The following SPIDR variants were observed in gnomAD, a reference collection of about 807,000 sequenced individuals.
The protein encoded by SPIDR is scaffold protein involved in DNA repair.
SPIDR carries 93 observed loss-of-function variants against 104.6 expected under a neutral mutation model. The ratio of observed to expected loss-of-function variants is 0.89; its 90% CI spans 0.75 to 1.06. SPIDR has a LOEUF of 1.06. Among genes scored for constraint, SPIDR ranks in the 50% least tolerant of loss-of-function variants. The pLI is 0.00. For missense variants in SPIDR, 1,154 were observed against 1,111.2 expected, an observed-to-expected ratio of 1.04 and a Z score of -0.55; for synonymous variants, 431 against 416.9, an observed-to-expected ratio of 1.03 and a Z score of -0.41.
chr8:47,671,585 A>AAAATAAATTAAATAAAT (rs2075802429), intron 10 of SPIDR, among the ~76,000 whole-genome samples: 1 of 142,712 alleles, frequency 7.0e-6, no homozygotes, highest in South Asian at 2.2e-4. Context: ...ACTCCATCTC[A>AAAATAAATTAAATAAAT]AAATAAATAA....
intron 8 of SPIDR, chr8:47,511,320 T>C (rs1267842747): frequency 2.3e-6 from 3 of 1,283,884 alleles, no homozygotes; most frequent in East Asian, 4.6e-5. Flanking sequence ...TTTCTGCCAG[T>C]TGGACTGGAG....
chr8:47,704,217 C>T (rs763838715), intron 14 of SPIDR, among the ~76,000 whole-genome samples: 33 of 152,314 alleles, frequency 2.2e-4, no homozygotes, highest in East Asian at 1.3e-3. Flanking sequence ...TGAATATAAA[C>T]GAACCACATT....
At chr8:47,303,869 G>T (rs2042671848) in intron 5 of SPIDR, among the ~76,000 whole-genome samples, 1 of 152,054 alleles carries the variant, frequency 6.6e-6, no homozygotes. Flanking sequence ...TAGAGACAGG[G>T]TTTCACCGTA....
At chr8:47,337,379 C>A (rs1554610365) in intron 5 of SPIDR, among the ~76,000 whole-genome samples, 1 of 152,144 alleles carries the variant, frequency 6.6e-6, no homozygotes, top group Non-Finnish European at 1.5e-5. Flanking sequence ...GATCTTCCTG[C>A]CTCAGCCTCC....
intron 5 of SPIDR, among the ~76,000 whole-genome samples, chr8:47,370,479 C>T (rs570796279): frequency 3.8e-4 from 44 of 116,718 alleles, no homozygotes; most frequent in Non-Finnish European, 5.1e-4. Context: ...CGGAGTTTTG[C>T]GCTGTCGCCC....
chr8:47,562,026 T>C (rs961394246), intron 8 of SPIDR, among the ~76,000 whole-genome samples: 2 of 152,240 alleles, frequency 1.3e-5, no homozygotes, highest in East Asian at 3.8e-4. Context: ...TTTATAATGT[T>C]CACTTCTTTT....
At chr8:47,613,113 A>G (rs1166963706) in intron 10 of SPIDR, among the ~76,000 whole-genome samples, 1 of 152,186 alleles carries the variant, frequency 6.6e-6, no homozygotes, top group Admixed American at 6.5e-5. Flanking sequence ...GTTCAGTCAC[A>G]CCAAAGGAAA....
At chr8:47,415,599 G>A (rs77439798) in intron 7 of SPIDR, among the ~76,000 whole-genome samples, 2,490 of 152,216 alleles carry the variant, frequency 0.016, 71 homozygotes, top group African/African-American at 0.055. Context: ...AGAAGAGACC[G>A]TAGAGAGCTA....
At position 47,548,225 on chromosome 8, in the gene SPIDR, G is replaced by A. The variant is rs576618851; in HGVS notation, c.1098-47586G>A. ...CTCAATAATTTATATGATAAAGTAT[G>A]AATTCGTGGTACATGAATTATACAG... is the stretch of plus-strand genomic sequence containing the variant. On this transcript the variant is annotated intron_variant, in intron 8 of 19. Transcript: ENST00000297423. Among the ~76,000 whole-genome samples the A allele has an allele frequency of 1.4e-4, 22 of 152,240 alleles. No individual in the cohort carries two copies. In the East Asian group the frequency reaches 4.1e-3, roughly 28 times the overall value.
chr8:47,298,143 T>C (rs947134108), intron 5 of SPIDR, among the ~76,000 whole-genome samples: 2,792 of 152,282 alleles, frequency 0.018, 83 homozygotes, highest in African/African-American at 0.064. Flanking sequence ...TTTTAATGAT[T>C]GCCATTCTAA....
chr8:47,716,828 G>C (rs1405884594), intron 16 of SPIDR, among the ~76,000 whole-genome samples: 1 of 152,180 alleles, frequency 6.6e-6, no homozygotes, highest in African/African-American at 2.4e-5. Flanking sequence ...CCTCCCAAGT[G>C]ATGGGAGAGG....
At chr8:47,667,610 G>GA (rs1003698501) in intron 10 of SPIDR, among the ~76,000 whole-genome samples, 4 of 151,760 alleles carry the variant, frequency 2.6e-5, no homozygotes, top group Non-Finnish European at 4.4e-5. Flanking sequence ...AAAGAAAATG[G>GA]AAAAAAAGAT....
At chr8:47,366,867 G>A (rs182653932) in intron 5 of SPIDR, among the ~76,000 whole-genome samples, 52 of 152,274 alleles carry the variant, frequency 3.4e-4, no homozygotes, top group Non-Finnish European at 1.3e-4. Context: ...TCTCAGAACT[G>A]CATTTCTAAT....
At chr8:47,389,726 A>G (rs2060359399) in intron 5 of SPIDR, among the ~76,000 whole-genome samples, 1 of 151,936 alleles carries the variant, frequency 6.6e-6, no homozygotes, top group African/African-American at 2.4e-5. Flanking sequence ...CCATGGAACA[A>G]AAATTTCGCC....
At chr8:47,524,458 A>C (rs1455454035) in intron 8 of SPIDR, among the ~76,000 whole-genome samples, 1 of 152,132 alleles carries the variant, frequency 6.6e-6, no homozygotes, top group Non-Finnish European at 1.5e-5. Context: ...TCGCAGCACT[A>C]TTTTGGTAGG....
intron 10 of SPIDR, among the ~76,000 whole-genome samples, chr8:47,658,396 C>T (rs2073343378): frequency 1.3e-5 from 2 of 149,360 alleles, no homozygotes; most frequent in South Asian, 4.2e-4. Context: ...CCAGCCTGGG[C>T]AACAAGAGAG....
chr8:47,698,845 C>T (rs946460180), intron 11 of SPIDR, among the ~76,000 whole-genome samples: 4 of 152,226 alleles, frequency 2.6e-5, no homozygotes, highest in Admixed American at 6.5e-5. Context: ...TCCAGTCCCA[C>T]TGTAGCATGT....
chr8:47,674,086 T>G, intron 11 of SPIDR, 145 bp downstream of exon 11: 15 of 807,048 alleles, frequency 1.9e-5, no homozygotes, highest in Non-Finnish European at 2.8e-5. Flanking sequence ...AGGAGTTGAG[T>G]GGAATCTATA....
chr8:47,454,034 G>A (rs775809196), intron 8 of SPIDR, among the ~76,000 whole-genome samples: 1 of 152,200 alleles, frequency 6.6e-6, no homozygotes, highest in Non-Finnish European at 1.5e-5. Flanking sequence ...TGGTGGGACT[G>A]TAAACTGGTT....
Sources: gnomAD v4.1 joint callset for allele counts (sites outside exome capture counted in the v4.1 genomes callset) on GRCh38, gnomAD v4.1.1 for gene constraint, MANE v1.5 for transcripts, NCBI Gene and HGNC (gene_info 2026-07-23, HGNC 2026-07-21) for gene names.